RAF1: variants seen among roughly 807,000 people sequenced by gnomAD.
The protein encoded by RAF1 is RAF proto-oncogene serine/threonine-protein kinase.
Under a neutral mutation model 81.1 loss-of-function variants are expected in RAF1, and 27 were observed. That is an observed-to-expected ratio of 0.33 (90% CI 0.25 to 0.46). RAF1 has a LOEUF of 0.46. Ranked by LOEUF, RAF1 falls within the 20% of genes least tolerant of loss-of-function variation. The probability of loss-of-function intolerance (pLI) is 1.00; values close to 1 mark genes in which losing one functional copy is unlikely to be tolerated. For missense variants in RAF1, 598 were observed against 826.0 expected (o/e 0.72, Z 3.38); for synonymous variants, 298 against 294.0 (o/e 1.01, Z -0.14).
intron 1 of RAF1, among the ~76,000 whole-genome samples, chr3:12,660,493 T>C (rs950389457): frequency 1.3e-5 from 2 of 152,214 alleles, no homozygotes; most frequent in African/African-American, 4.8e-5. Context: ...TGTGTATTTT[T>C]TGTAGGGACA....
chr3:12,613,320 CAG>C (rs1222270049), intron 2 of RAF1, among the ~76,000 whole-genome samples: 2 of 152,106 alleles, frequency 1.3e-5, no homozygotes, highest in Non-Finnish European at 2.9e-5. Flanking sequence ...GAGGGCAAAA[CAG>C]AGATTTGCAG....
chr3:12,627,021 CAAAAAAAA>C (rs34692000), intron 1 of RAF1, among the ~76,000 whole-genome samples: 2 of 77,024 alleles, frequency 2.6e-5, no homozygotes, highest in Non-Finnish European at 5.6e-5. Flanking sequence ...GACTCTGTCT[CAAAAAAAA>C]AAAAAAAAAA....
intron 1 of RAF1, among the ~76,000 whole-genome samples, chr3:12,630,530 C>T (rs747453177): frequency 4.6e-5 from 7 of 152,064 alleles, no homozygotes; most frequent in Non-Finnish European, 7.3e-5. Context: ...TAGGTCTCAA[C>T]GAAGAGGTAA....
intron 1 of RAF1, among the ~76,000 whole-genome samples, chr3:12,650,702 C>T (rs1193662669): frequency 6.6e-6 from 1 of 152,102 alleles, no homozygotes; most frequent in Non-Finnish European, 1.5e-5. Context: ...TTTCAGAACC[C>T]CTTAAAGTAG....
chr3:12,611,757 CT>C (rs1160205800), intron 3 of RAF1, among the ~76,000 whole-genome samples, 192 bp downstream of exon 3: 1 of 152,146 alleles, frequency 6.6e-6, no homozygotes, highest in Non-Finnish European at 1.5e-5. Flanking sequence ...GTGTATTTAA[CT>C]TTTCAAGAGA....
intron 1 of RAF1, among the ~76,000 whole-genome samples, chr3:12,653,949 C>T (rs190110479): frequency 1.3e-5 from 2 of 151,356 alleles, no homozygotes; most frequent in South Asian, 2.1e-4. Flanking sequence ...TCAGCAGCTG[C>T]GACTGCCGGC....
At chr3:12,645,953 A>T (rs1345301278) in intron 1 of RAF1, among the ~76,000 whole-genome samples, 1 of 152,218 alleles carries the variant, frequency 6.6e-6, no homozygotes, top group Non-Finnish European at 1.5e-5. Context: ...AAGACTGTAT[A>T]TACCATGTCT....
In RAF1 at chr3:12,583,687, AAATT is replaced by A; in HGVS notation, c.*823_*826del. ...TATTTTGTCAGGTGCAATAAAAACA[AAATT>A]AAAACCCAAATCATCAAGAAAACCT... On this transcript the variant is annotated 3_prime_UTR_variant, in exon 18 of 18. Coordinates refer to ENST00000442415, the MANE Select transcript of RAF1 (RefSeq NM_001354689.3). 8.6e-6 allele frequency: 2 copies of A among 233,458 alleles called. No individual in the cohort carries two copies. Among genetic ancestry groups the A allele is most frequent in the Non-Finnish European group, 1.7e-5 (2 of 118,040 alleles). The allele number at this position is 233,458 out of a possible 1,614,324, so 14.5% of individuals were successfully genotyped here.
chr3:12,587,739 C>T (rs1575537193), intron 13 of RAF1, 102 bp from the exon 13 acceptor site: 1 of 976,646 alleles, frequency 1.0e-6, no homozygotes, highest in African/African-American at 1.6e-5. Context: ...GGCCTGGCTC[C>T]AAGGAGTGTT....
intron 17 of RAF1, 79 bp downstream of exon 16, chr3:12,584,768 C>CA: frequency 1.2e-6 from 2 of 1,613,602 alleles, no homozygotes; most frequent in Non-Finnish European, 1.7e-6. Context: ...TAAAACAAAA[C>CA]AAAACACTCC....
At chr3:12,617,729 T>C (rs1359190586) in intron 2 of RAF1, among the ~76,000 whole-genome samples, 2 of 151,350 alleles carry the variant, frequency 1.3e-5, no homozygotes, top group East Asian at 3.9e-4. Flanking sequence ...CTACTAAAAA[T>C]ACAAAAAACA....
chr3:12,617,439 G>C (rs570861235), intron 2 of RAF1, among the ~76,000 whole-genome samples: 2 of 152,042 alleles, frequency 1.3e-5, no homozygotes, highest in South Asian at 4.2e-4. Context: ...TTTTTTTGTA[G>C]AGATGGGGTT....
At position 12,584,416 on chromosome 3, in the gene RAF1, G is replaced by GA; in HGVS notation, c.*97dup. ...GAAGGTCCTTAGCAGCAGCTTCTCT[G>GA]AAAACATGTGTTCTGCCTCTGGAGA... On this transcript the variant is annotated 3_prime_UTR_variant, in exon 18 of 18. Transcript: ENST00000442415. 1 of 1,512,310 alleles carries GA rather than the reference G, an allele frequency of 6.6e-7. No homozygotes were observed. Among genetic ancestry groups the GA allele is most frequent in the Non-Finnish European group, 9.1e-7 (1 of 1,093,754 alleles). 93.7% of individuals were successfully genotyped at this position (1,512,310 alleles called of 1,614,324 possible).
intron 11 of RAF1, among the ~76,000 whole-genome samples, chr3:12,593,786 CT>C (rs756831846): frequency 0.024 from 2,667 of 111,226 alleles, 14 homozygotes; most frequent in African/African-American, 0.041. Flanking sequence ...GGAGTAAATC[CT>C]TTTTTTTTTT....
At position 12,631,784 on chromosome 3, in the gene RAF1, G is replaced by C. The variant is rs569967009; in HGVS notation, c.-26-13037C>G. ...TGCTAGGCCATGTGTCTAGTATACA[G>C]ACAGCATAAGCATGAAGGATGGGGA... On this transcript the variant is annotated intron_variant, in intron 1 of 17. Transcript: ENST00000442415. Among the ~76,000 whole-genome samples the C allele has an allele frequency of 4.6e-5, 7 of 152,292 alleles. 1 individual carries two copies. In the South Asian group the frequency reaches 1.2e-3, roughly 27 times the overall value.
rs572226578 is a variant in RAF1 at position 12,644,654 on chromosome 3, G to C, written c.-27+19159C>G. Among the ~76,000 whole-genome samples the C allele has an allele frequency of 2.6e-5, 4 of 152,256 alleles. No homozygotes were observed. The East Asian group carries it at 7.7e-4, about 29-fold the overall frequency. ...CTTCCTATTGCCCTTTCTGAGTAGG[G>C]AAACACCCACATGCAATAAACAATG... On this transcript the variant is annotated intron_variant, in intron 1 of 17. Transcript: ENST00000442415.
At chr3:12,597,409 C>T (rs2058719123) in intron 11 of RAF1, among the ~76,000 whole-genome samples, 1 of 152,158 alleles carries the variant, frequency 6.6e-6, no homozygotes, top group African/African-American at 2.4e-5. Context: ...AACTTGGGTA[C>T]AACTTAAAAC....
intron 11 of RAF1, 133 bp from the exon 11 acceptor site, chr3:12,591,925 ATTT>A (rs34541887): frequency 7.2e-4 from 463 of 643,820 alleles, no homozygotes; most frequent in Middle Eastern, 1.3e-3. Context: ...CAAATTTCCA[ATTT>A]TTTTTTTTTT....
intron 1 of RAF1, among the ~76,000 whole-genome samples, chr3:12,655,427 G>T (rs983234260): frequency 2.0e-5 from 3 of 152,238 alleles, no homozygotes; most frequent in Non-Finnish European, 2.9e-5. Flanking sequence ...AAAATAACAA[G>T]TGTTGGAAAA....
Sources: gnomAD v4.1 joint callset for allele counts (sites outside exome capture counted in the v4.1 genomes callset) on GRCh38, gnomAD v4.1.1 for gene constraint, MANE v1.5 for transcripts, NCBI Gene and HGNC (gene_info 2026-07-23, HGNC 2026-07-21) for gene names.